ARSF: variants seen among roughly 807,000 people sequenced by gnomAD.
The protein encoded by ARSF is arylsulfatase F.
In ARSF, 33 loss-of-function variants were observed where a neutral mutation model predicts 35.4. That is an observed-to-expected ratio of 0.93 (90% CI 0.71 to 1.25). The LOEUF is 1.25. Among genes scored for constraint, ARSF ranks in the 50% most tolerant of loss-of-function variants. ARSF has a pLI of 0.00. For missense variants in ARSF, 501 were observed against 480.2 expected (o/e 1.04, Z -0.40); for synonymous variants, 222 against 193.1 (o/e 1.15, Z -1.24).
At chrX:3,058,599 T>C (rs763599222) in intron 1 of ARSF, 1 of 327,305 alleles carries the variant, frequency 3.1e-6, no homozygotes, top group Non-Finnish European at 5.9e-6. Flanking sequence ...ACACCTATAA[T>C]CACAGTGCTT....
chrX:3,044,878 T>C (rs2089968736), intron 1 of ARSF, among the ~76,000 whole-genome samples: 1 of 110,252 alleles, frequency 9.1e-6, no homozygotes, highest in Admixed American at 9.9e-5. Context: ...CTGCTTTCAC[T>C]AGGGCCGAGC....
intron 7 of ARSF, among the ~76,000 whole-genome samples, chrX:3,092,183 A>G (rs907747201): frequency 9.3e-6 from 1 of 107,825 alleles, no homozygotes; most frequent in Non-Finnish European, 1.9e-5. Context: ...ATAGATACAT[A>G]CATACATACA....
At chrX:3,076,691 G>A (rs1447841109) in intron 4 of ARSF, 22 bp downstream of exon 4, 1 of 1,205,273 alleles carries the variant, frequency 8.3e-7, no homozygotes, top group Non-Finnish European at 1.1e-6. Context: ...GGCGGGCTCT[G>A]CTGGGCTCTG....
At chrX:3,070,567 T>G (rs953412763) in intron 2 of ARSF, among the ~76,000 whole-genome samples, 1 of 111,075 alleles carries the variant, frequency 9.0e-6, no homozygotes, top group Non-Finnish European at 1.9e-5. Flanking sequence ...TGGAAGGGCA[T>G]CTACTTTAGC....
chrX:3,094,160 T>C (rs2090323280), intron 7 of ARSF, among the ~76,000 whole-genome samples: 1 of 111,681 alleles, frequency 9.0e-6, no homozygotes, highest in South Asian at 3.8e-4. Flanking sequence ...GAGACGAGTA[T>C]CATCTTCATC....
At position 3,081,975 on chromosome X, in the gene ARSF, A is replaced by G. The variant is rs199847511; in HGVS notation, c.406+962A>G. ...GGCAATCTCCGTGGGGTTGCAGGAC[A>G]GGAAGCCTAAGCCAGTAGCACTGCC... is the stretch of plus-strand genomic sequence containing the variant. On this transcript the variant is annotated intron_variant, in intron 5 of 10. Coordinates refer to ENST00000381127, the MANE Select transcript of ARSF (RefSeq NM_001201539.2). 1.3e-4 allele frequency among the ~76,000 whole-genome samples: 14 copies of G among 111,826 alleles called. No individual in the cohort carries two copies. The East Asian group carries it at 2.5e-3, about 20-fold the overall frequency.
At chrX:3,094,611 T>G (rs2090327008) in intron 7 of ARSF, among the ~76,000 whole-genome samples, 1 of 110,528 alleles carries the variant, frequency 9.0e-6, no homozygotes, top group South Asian at 3.8e-4. Flanking sequence ...TGTGCAAAAA[T>G]GAGTAGGAGA....
At chrX:3,065,176 A>G (rs1310601034) in intron 1 of ARSF, among the ~76,000 whole-genome samples, 1 of 109,122 alleles carries the variant, frequency 9.2e-6, no homozygotes, top group Non-Finnish European at 1.9e-5. Context: ...TGAGCAAACT[A>G]TCACAAGGAC....
chrX:3,084,048 C>G, intron 5 of ARSF, among the ~76,000 whole-genome samples, 195 bp from the exon 6 acceptor site: 1 of 112,126 alleles, frequency 8.9e-6, no homozygotes, highest in Admixed American at 9.5e-5. Flanking sequence ...CAAACTTCCT[C>G]TGTAAACTAA....
rs1231817271 is a variant in ARSF at position 3,043,414 on chromosome X, TA to T, written c.-29+1756del. 3.6e-5 allele frequency among the ~76,000 whole-genome samples: 4 copies of T among 112,323 alleles called. No individual in the cohort carries two copies. In the South Asian group the frequency reaches 1.5e-3, roughly 41 times the overall value. On this transcript the variant is annotated intron_variant, in intron 1 of 10. Transcript: ENST00000381127. Reference sequence around the variant, plus strand: ...CATTCTAGGTATTGGACTTCAATAATAAAAATACAGTAATGCAAAAGGAGAT... The same window carrying T: ...CATTCTAGGTATTGGACTTCAATAATAAAATACAGTAATGCAAAAGGAGAT...
chrX:3,057,515 C>T (rs1361697281), intron 1 of ARSF, among the ~76,000 whole-genome samples: 8 of 111,287 alleles, frequency 7.2e-5, no homozygotes, highest in Non-Finnish European at 1.3e-4. Flanking sequence ...TAGGGAGTGT[C>T]GTCATCTTTA....
At chrX:3,054,082 G>A (rs2090008008) in intron 1 of ARSF, among the ~76,000 whole-genome samples, 1 of 110,424 alleles carries the variant, frequency 9.1e-6, no homozygotes, top group Non-Finnish European at 1.9e-5. Context: ...ACTTTTTTTC[G>A]GAGACACACT....
chrX:3,081,184 G>A (rs1478219845), intron 5 of ARSF, among the ~76,000 whole-genome samples, 171 bp downstream of exon 5: 2 of 111,682 alleles, frequency 1.8e-5, no homozygotes, highest in African/African-American at 3.2e-5. Context: ...TGGGAGGATC[G>A]CTGGAAACCA....
At chrX:3,095,204 A>G (rs954726726) in intron 7 of ARSF, among the ~76,000 whole-genome samples, 2 of 109,254 alleles carry the variant, frequency 1.8e-5, no homozygotes, top group African/African-American at 6.6e-5. Flanking sequence ...AGATATAAAT[A>G]GAATAATTGA....
rs763213774 is a variant in ARSF, at chrX:3,084,511, T to G, written c.675T>G (p.Phe225Leu). 3.3e-6 allele frequency: 4 copies of G among 1,211,397 alleles called. No individual in the cohort carries two copies. The East Asian group carries it at 1.2e-4, about 36-fold the overall frequency. Reference protein sequence around the residue: ...PWLLIFSMILFIFLLGYAWFS... With the variant: ...PWLLIFSMILLIFLLGYAWFS... ...TCCTGATCTTCTCCATGATTCTGTT[T>G]ATTTTCCTCTTGGGCTATGCTTGGT... Residue 225 changes from phenylalanine to leucine, a missense_variant, in exon 6 of 11, where the codon TTT becomes TTG. Phe to Leu is a conservative substitution (Grantham distance 22). Coordinates refer to ENST00000381127, the MANE Select transcript of ARSF (RefSeq NM_001201539.2).
intron 1 of ARSF, among the ~76,000 whole-genome samples, chrX:3,057,502 G>C (rs1569132324): frequency 9.0e-6 from 1 of 111,413 alleles, no homozygotes; most frequent in Non-Finnish European, 1.9e-5. Context: ...TAGGGAATGT[G>C]GCTAGGGAGT....
chrX:3,070,746 G>C (rs1201252259), intron 2 of ARSF, among the ~76,000 whole-genome samples: 1 of 110,910 alleles, frequency 9.0e-6, no homozygotes. Context: ...CTTTCCCTGA[G>C]TCCCCAAAGT....
chrX:3,076,673 C>A lies in ARSF; in HGVS notation c.283+4C>A. On this transcript the variant is annotated splice_donor_region_variant and intron_variant, in intron 4 of 10. Coordinates refer to ENST00000381127, the MANE Select transcript of ARSF (RefSeq NM_001201539.2). ...GGAAGATACCCCATCCGATCAGGTG[C>A]GCAAACTGGCGGGCTCTGCTGGGCT... The A allele has an allele frequency of 8.3e-7, 1 of 1,209,278 alleles. No homozygotes were observed. The highest frequency in any genetic ancestry group is 1.1e-6 in the Non-Finnish European group (1 of 894,370).
chrX:3,110,514 A>G (rs2090438169), intron 10 of ARSF, among the ~76,000 whole-genome samples: 1 of 112,559 alleles, frequency 8.9e-6, no homozygotes, highest in African/African-American at 3.2e-5. Context: ...AAATCTATGC[A>G]ATTTTTACTT....
Sources: gnomAD v4.1 joint callset for allele counts (sites outside exome capture counted in the v4.1 genomes callset) on GRCh38, gnomAD v4.1.1 for gene constraint, MANE v1.5 for transcripts, NCBI Gene and HGNC (gene_info 2026-07-23, HGNC 2026-07-21) for gene names.